The following RAD18 variants were observed in gnomAD, a reference collection of about 807,000 sequenced individuals.
RAD18 encodes E3 ubiquitin-protein ligase RAD18.
In RAD18, 47 loss-of-function variants were observed where a neutral mutation model predicts 60.4. That is an observed-to-expected ratio of 0.78 (90% confidence interval 0.62 to 0.99). The LOEUF is 0.99. RAD18 is among the 50% of genes least tolerant of loss of function. The pLI is 0.00. For synonymous variants in RAD18, 225 were observed against 195.5 expected (o/e 1.15, Z -1.26); for missense variants, 640 against 593.3 (o/e 1.08, Z -0.82).
In RAD18 at chr3:8,879,336, C is replaced by T. The variant is rs1939417598; in HGVS notation, c.*2021G>A. ...GTAAAATGAGGCCATACGCATGGGC[C>T]CTGATCCAATGACTGCTGTCCCTAC... On this transcript the variant is annotated 3_prime_UTR_variant, in exon 13 of 13. Coordinates refer to ENST00000264926, the MANE Select transcript of RAD18 (RefSeq NM_020165.4). 1 of 152,148 alleles carries T rather than the reference C, an allele frequency of 6.6e-6. No individual in the cohort carries two copies. Among genetic ancestry groups the T allele is most frequent in the African/African-American group, 2.4e-5 (1 of 41,410 alleles). 9.4% of individuals were successfully genotyped at this position (152,148 alleles called of 1,614,324 possible).
intron 7 of RAD18, among the ~76,000 whole-genome samples, chr3:8,918,797 T>C (rs754286555): frequency 6.6e-5 from 10 of 152,214 alleles, no homozygotes; most frequent in Non-Finnish European, 1.2e-4. Context: ...CTGTGCAGTA[T>C]TATCAGAGAG....
intron 9 of RAD18, among the ~76,000 whole-genome samples, chr3:8,902,883 A>C (rs1488600950): frequency 2.0e-5 from 3 of 151,992 alleles, no homozygotes; most frequent in Non-Finnish European, 4.4e-5. Context: ...AAAATTAGCC[A>C]GGTGTGGTAT....
chr3:8,946,478 C>T (rs1451230898), intron 4 of RAD18, among the ~76,000 whole-genome samples: 1 of 152,240 alleles, frequency 6.6e-6, no homozygotes, highest in African/African-American at 2.4e-5. Context: ...ACTATCTAAA[C>T]CAGTACGTCC....
chr3:8,925,782 A>T (rs1940422315), intron 7 of RAD18, among the ~76,000 whole-genome samples: 1 of 152,230 alleles, frequency 6.6e-6, no homozygotes, highest in Non-Finnish European at 1.5e-5. Context: ...AATGTAATCC[A>T]GCATATAAAC....
At chr3:8,920,449 A>G (rs998608936) in intron 7 of RAD18, among the ~76,000 whole-genome samples, 5 of 152,200 alleles carry the variant, frequency 3.3e-5, no homozygotes, top group Non-Finnish European at 7.3e-5. Context: ...AAAAATTACC[A>G]AAGGATGCTA....
chr3:8,890,009 T>C (rs145392200), intron 12 of RAD18: 121 of 205,068 alleles, frequency 5.9e-4, no homozygotes, highest in African/African-American at 2.7e-3. Context: ...AGCAGCAATA[T>C]GCTATACCCT....
intron 2 of RAD18, among the ~76,000 whole-genome samples, chr3:8,950,271 G>A (rs1940907231): frequency 6.6e-6 from 1 of 152,108 alleles, no homozygotes; most frequent in Non-Finnish European, 1.5e-5. Flanking sequence ...CCTGACCATA[G>A]GTGACCGCCC....
At chr3:8,945,342 A>T (rs1239417274) in intron 4 of RAD18, among the ~76,000 whole-genome samples, 1 of 152,246 alleles carries the variant, frequency 6.6e-6, no homozygotes, top group Non-Finnish European at 1.5e-5. Context: ...TTTGTTCAAC[A>T]AGAGACCAAA....
Position 8,890,413 on chromosome 3 carries a change from T to G in RAD18, c.1361A>C (p.Glu454Ala). The G allele has an allele frequency of 6.3e-7, 1 of 1,595,576 alleles. No individual in the cohort carries two copies. Among genetic ancestry groups the G allele is most frequent in the Non-Finnish European group, 8.6e-7 (1 of 1,163,234 alleles). ...CTTATGTGATGCTTCCCAGGCTTCC[T>G]CTTCTTCTAAAAGATCTCTTATGAT... ...SDIIRDLLEE[E>A]EAWEASHKND... Residue 454 changes from glutamate to alanine, a missense_variant, in exon 12 of 13, where the codon GAG becomes GCG. Glu to Ala is a moderately radical substitution (Grantham distance 107). Coordinates refer to ENST00000264926, the MANE Select transcript of RAD18 (RefSeq NM_020165.4).
At chr3:8,881,714 G>A (rs1939466267) in intron 12 of RAD18, among the ~76,000 whole-genome samples, 1 of 152,008 alleles carries the variant, frequency 6.6e-6, no homozygotes, top group Non-Finnish European at 1.5e-5. Context: ...CTTCTGTTTA[G>A]CATGTAGAGG....
rs1458479701 is a variant in RAD18 at position 8,878,581 on chromosome 3, C to T, written c.*2776G>A. 1.3e-5 allele frequency: 2 copies of T among 152,208 alleles called. No homozygotes were observed. The highest frequency in any genetic ancestry group is 4.8e-5 in the African/African-American group (2 of 41,452). The allele number at this position is 152,208 out of a possible 1,614,324, so 9.4% of individuals were successfully genotyped here. Reference sequence around the variant, plus strand: ...TCTATGTTGTCTATCCCTGTTGACACATCAGTCTTTACCATGTAATTTTGT... The same window carrying T: ...TCTATGTTGTCTATCCCTGTTGACATATCAGTCTTTACCATGTAATTTTGT... On this transcript the variant is annotated 3_prime_UTR_variant, in exon 13 of 13. Coordinates refer to ENST00000264926, the MANE Select transcript of RAD18 (RefSeq NM_020165.4).
chr3:8,901,008 T>C (rs1939901924), intron 10 of RAD18, among the ~76,000 whole-genome samples: 1 of 152,240 alleles, frequency 6.6e-6, no homozygotes, highest in Non-Finnish European at 1.5e-5. Context: ...AAATATCCTT[T>C]AACAACTGCA....
rs1230889179 is a variant in RAD18, at chr3:8,948,667, T to A, written c.134-97A>T. Reference sequence around the variant, plus strand: ...AATCTTAAGCCCTAGACTATTTCCGTCATCTAAGGTATATCATCATAAGCT... The same window carrying A: ...AATCTTAAGCCCTAGACTATTTCCGACATCTAAGGTATATCATCATAAGCT... On this transcript the variant is annotated intron_variant, in intron 2 of 12. Transcript: ENST00000264926. 3.0e-6 allele frequency: 3 copies of A among 990,974 alleles called. No homozygotes were observed. In the East Asian group the frequency reaches 7.5e-5, roughly 25 times the overall value. 61.4% of individuals were successfully genotyped at this position (990,974 alleles called of 1,614,324 possible). A position where few individuals can be genotyped will look rare whatever the true frequency, so the allele number is the denominator to read the frequency against.
chr3:8,909,883 G>A (rs147153823), intron 9 of RAD18, among the ~76,000 whole-genome samples: 73 of 152,296 alleles, frequency 4.8e-4, no homozygotes, highest in African/African-American at 1.2e-3. Context: ...TTACAAATTC[G>A]TTTTGGGCTG....
At chr3:8,945,495 C>T (rs1475714373) in intron 4 of RAD18, among the ~76,000 whole-genome samples, 11 of 73,062 alleles carry the variant, frequency 1.5e-4, no homozygotes, top group East Asian at 3.3e-4. Context: ...TTTTTTGAGA[C>T]GGAGTCTTAC....
intron 9 of RAD18, among the ~76,000 whole-genome samples, chr3:8,909,603 G>A (rs562219834): frequency 1.1e-4 from 17 of 152,178 alleles, no homozygotes; most frequent in South Asian, 6.2e-4. Context: ...AGAAAACAGC[G>A]GAAGAATACC....
rs542828848 is a variant in RAD18, at chr3:8,899,460, A to G, written c.1169-413T>C. 7.9e-5 allele frequency among the ~76,000 whole-genome samples: 12 copies of G among 152,344 alleles called. No homozygotes were observed. In the South Asian group the frequency reaches 2.5e-3, roughly 32 times the overall value. On this transcript the variant is annotated intron_variant, in intron 10 of 12. Transcript: ENST00000264926. ...CAACCACAATATTTGCTACTATTAT[A>G]TGATAGTGAATCTATCTGGACATTT...
intron 1 of RAD18, among the ~76,000 whole-genome samples, chr3:8,960,239 C>T (rs1441796955): frequency 6.6e-6 from 1 of 152,016 alleles, no homozygotes; most frequent in Non-Finnish European, 1.5e-5. Context: ...CCCAGGAGTT[C>T]AAGGCTGCAG....
At chr3:8,885,070 C>T (rs1939534521) in intron 12 of RAD18, among the ~76,000 whole-genome samples, 1 of 152,124 alleles carries the variant, frequency 6.6e-6, no homozygotes, top group African/African-American at 2.4e-5. Context: ...AAAAACATGC[C>T]TTAGGAGATC....
Sources: gnomAD v4.1 joint callset for allele counts (sites outside exome capture counted in the v4.1 genomes callset) on GRCh38, gnomAD v4.1.1 for gene constraint, MANE v1.5 for transcripts, NCBI Gene and HGNC (gene_info 2026-07-23, HGNC 2026-07-21) for gene names.